The following KANK1 variants were observed in gnomAD, a reference collection of about 807,000 sequenced individuals.
KANK1 encodes the protein KN motif and ankyrin repeat domain-containing protein 1.
In KANK1, 109 loss-of-function variants were observed where a neutral mutation model predicts 106.2. The observed-to-expected ratio is 1.03, with a 90% CI of 0.88 to 1.20. KANK1 has a LOEUF of 1.20. Among genes scored for constraint, KANK1 ranks in the 50% most tolerant of loss-of-function variants. KANK1 has a pLI of 0.00. For synonymous variants in KANK1, 873 were observed against 652.2 expected (o/e 1.34, Z -5.16); for missense variants, 2,399 against 1,710.7 (o/e 1.40, Z -7.10).
At chr9:644,256 A>G (rs1839166427) in intron 1 of KANK1, among the ~76,000 whole-genome samples, 1 of 150,930 alleles carries the variant, frequency 6.6e-6, no homozygotes, top group Non-Finnish European at 1.5e-5. Context: ...GCACTTAAAC[A>G]AAACACAGGT....
intron 1 of KANK1, among the ~76,000 whole-genome samples, chr9:520,412 C>G (rs1278160308): frequency 6.6e-6 from 1 of 151,626 alleles, no homozygotes; most frequent in Non-Finnish European, 1.5e-5. Context: ...TTGTGTGTCA[C>G]TTCTACTCGC....
At chr9:623,435 C>A (rs1211622035) in intron 1 of KANK1, among the ~76,000 whole-genome samples, 2 of 151,626 alleles carry the variant, frequency 1.3e-5, no homozygotes, top group East Asian at 2.0e-4. Flanking sequence ...ACAAGAAATA[C>A]AAAAATTAGC....
At chr9:729,596 A>C (rs1831664861) in intron 3 of KANK1, among the ~76,000 whole-genome samples, 1 of 152,168 alleles carries the variant, frequency 6.6e-6, no homozygotes, top group Admixed American at 6.5e-5. Context: ...GTCAGCCAGT[A>C]CCAGGTTATG....
chr9:600,337 G>A (rs1443985480), intron 1 of KANK1, among the ~76,000 whole-genome samples: 1 of 151,610 alleles, frequency 6.6e-6, no homozygotes, highest in Non-Finnish European at 1.5e-5. Flanking sequence ...GTCCTCAAGG[G>A]TCATCTATGT....
chr9:686,465 C>T (rs1818590924), intron 2 of KANK1, among the ~76,000 whole-genome samples: 1 of 152,136 alleles, frequency 6.6e-6, no homozygotes, highest in Admixed American at 6.5e-5. Context: ...GTGAATCAGC[C>T]TGATGATACA....
intron 1 of KANK1, among the ~76,000 whole-genome samples, chr9:668,968 T>C (rs151151977): frequency 6.6e-6 from 1 of 152,292 alleles, no homozygotes; most frequent in African/African-American, 2.4e-5. Context: ...CAGGCAGTGC[T>C]GTGTGACCTG....
chr9:516,270 T>C (rs2059273624), intron 1 of KANK1, among the ~76,000 whole-genome samples: 1 of 151,624 alleles, frequency 6.6e-6, no homozygotes, highest in African/African-American at 2.4e-5. Flanking sequence ...CACCAAACTT[T>C]TAACTCCTTT....
intron 2 of KANK1, among the ~76,000 whole-genome samples, chr9:704,992 C>CAAAAAAA (rs71314728): frequency 5.7e-5 from 3 of 53,094 alleles, no homozygotes; most frequent in Admixed American, 2.8e-4. Flanking sequence ...GACCCTGTCT[C>CAAAAAAA]AAAAAAAAAA....
intron 1 of KANK1, among the ~76,000 whole-genome samples, chr9:568,550 T>C (rs542353175): frequency 6.6e-6 from 1 of 152,280 alleles, no homozygotes; most frequent in East Asian, 1.9e-4. Context: ...AGTGCAGTGG[T>C]GCAGTCATGG....
chr9:482,135 T>C (rs77355476), intron 3 of KANK1, among the ~76,000 whole-genome samples: 1,636 of 152,232 alleles, frequency 0.011, 32 homozygotes, highest in African/African-American at 0.037. Flanking sequence ...TCAGAGCCCT[T>C]AGCGCTCCCC....
chr9:491,172 G>A (rs2058372008), intron 3 of KANK1, among the ~76,000 whole-genome samples: 2 of 151,968 alleles, frequency 1.3e-5, no homozygotes, highest in African/African-American at 4.8e-5. Flanking sequence ...TGTTTTCCAG[G>A]CTGGTCTTGA....
Position 648,685 on chromosome 9 carries a change from C to G in KANK1, c.-83-28205C>G, listed in dbSNP as rs79289421. Reference sequence around the variant, plus strand: ...TTGCAGAATCGCAGGCCAAGGGGAGCTCACGTCTTTGAGCTTCAATTTCTT... The same window carrying G: ...TTGCAGAATCGCAGGCCAAGGGGAGGTCACGTCTTTGAGCTTCAATTTCTT... On this transcript the variant is annotated intron_variant, in intron 1 of 11. Transcript: ENST00000382297. 4.0e-3 allele frequency among the ~76,000 whole-genome samples: 614 copies of G among 152,254 alleles called. 1 individual carries two copies. The highest frequency in any genetic ancestry group is 0.014 in the African/African-American group (577 of 41,528).
At chr9:524,809 G>T (rs1007977733) in intron 1 of KANK1, among the ~76,000 whole-genome samples, 1 of 151,198 alleles carries the variant, frequency 6.6e-6, no homozygotes, top group Non-Finnish European at 1.5e-5. Flanking sequence ...GAGCCACCGT[G>T]CCCGGCTCGT....
chr9:725,904 A>G (rs537012387), intron 3 of KANK1, among the ~76,000 whole-genome samples: 86 of 152,326 alleles, frequency 5.6e-4, no homozygotes, highest in African/African-American at 2.0e-3. Flanking sequence ...ATCACCTGAC[A>G]TTGTGAGTAG....
At chr9:617,073 T>A (rs752201302) in intron 1 of KANK1, among the ~76,000 whole-genome samples, 16 of 152,208 alleles carry the variant, frequency 1.1e-4, no homozygotes, top group Non-Finnish European at 1.5e-4. Context: ...AATTTTTTTT[T>A]AATATACTAC....
intron 1 of KANK1, among the ~76,000 whole-genome samples, chr9:675,816 G>A (rs753661062): frequency 9.2e-5 from 14 of 152,310 alleles, no homozygotes; most frequent in Middle Eastern, 3.4e-3. Context: ...GAGCAGGAGC[G>A]TAGGCTGCTC....
intron 1 of KANK1, among the ~76,000 whole-genome samples, chr9:564,052 C>T (rs889078325): frequency 6.7e-6 from 1 of 149,294 alleles, no homozygotes; most frequent in African/African-American, 2.6e-5. Flanking sequence ...ATAGAATGTG[C>T]ACTTTCTTTC....
intron 8 of KANK1, among the ~76,000 whole-genome samples, chr9:739,357 A>G (rs369520229): frequency 4.6e-5 from 7 of 152,188 alleles, no homozygotes; most frequent in East Asian, 1.9e-4. Context: ...ATACTGTCCA[A>G]TTTTCTGAAA....
chr9:734,701 T>C (rs1373886891), intron 6 of KANK1, 47 bp from the exon 7 acceptor site: 1 of 1,363,500 alleles, frequency 7.3e-7, no homozygotes, highest in South Asian at 1.2e-5. Context: ...GAAATAAAAA[T>C]GATTTTCTTC....
Sources: gnomAD v4.1 joint callset for allele counts (sites outside exome capture counted in the v4.1 genomes callset) on GRCh38, gnomAD v4.1.1 for gene constraint, MANE v1.5 for transcripts, NCBI Gene and HGNC (gene_info 2026-07-23, HGNC 2026-07-21) for gene names.